The following RGS7 variants were observed in gnomAD, a reference collection of about 807,000 sequenced individuals.
RGS7 encodes the protein regulator of G protein signaling 7.
Under a neutral mutation model 81.1 loss-of-function variants are expected in RGS7, and 27 were observed. The ratio of observed to expected loss-of-function variants is 0.33; its 90% CI spans 0.25 to 0.46. The LOEUF (loss-of-function observed/expected upper bound fraction) is 0.46, where lower values mean the gene tolerates loss of function less well. Among genes scored for constraint, RGS7 ranks in the 20% least tolerant of loss-of-function variants. The pLI is 1.00. For synonymous variants in RGS7, 208 were observed against 207.7 expected (o/e 1.00, Z -0.01); for missense variants, 396 against 607.4 (o/e 0.65, Z 3.66).
chr1:241,254,691 A>T (rs555673830), intron 2 of RGS7, among the ~76,000 whole-genome samples: 4 of 152,292 alleles, frequency 2.6e-5, no homozygotes, highest in African/African-American at 9.6e-5. Context: ...TTGAGGTTTC[A>T]ATTGTATAAT....
chr1:241,188,285 T>TCACACA lies in RGS7; in HGVS notation c.79-89529_79-89524dup, dbSNP rs59722851. Among the ~76,000 whole-genome samples, 478 of 148,150 alleles carry TCACACA rather than the reference T, an allele frequency of 3.2e-3. 2 individuals carry two copies. The highest frequency in any genetic ancestry group is 0.011 in the African/African-American group (432 of 40,262). On this transcript the variant is annotated intron_variant, in intron 2 of 18. Transcript: ENST00000440928. ...CTATTATAGTCCTTTTCTTTTATCC[T>TCACACA]CACACACACACACACACACACACAC...
intron 6 of RGS7, among the ~76,000 whole-genome samples, chr1:240,894,076 A>G (rs1445013167): frequency 2.6e-5 from 4 of 152,222 alleles, no homozygotes; most frequent in Admixed American, 2.6e-4. Context: ...ATATCTGGCT[A>G]TACAAATATA....
intron 2 of RGS7, among the ~76,000 whole-genome samples, chr1:241,330,837 T>C (rs1336151147): frequency 6.6e-6 from 1 of 152,176 alleles, no homozygotes; most frequent in Non-Finnish European, 1.5e-5. Flanking sequence ...GGTACTATGT[T>C]CACTATTTGA....
At chr1:240,874,411 G>A (rs1457835601) in intron 6 of RGS7, among the ~76,000 whole-genome samples, 2 of 152,050 alleles carry the variant, frequency 1.3e-5, no homozygotes, top group Admixed American at 6.6e-5. Context: ...GGGCTGGAGT[G>A]TAGGAGAGGA....
At chr1:241,349,981 C>A (rs2083134822) in intron 2 of RGS7, among the ~76,000 whole-genome samples, 1 of 152,178 alleles carries the variant, frequency 6.6e-6, no homozygotes, top group South Asian at 2.1e-4. Context: ...GAGGGCTTCT[C>A]TTTTGCACAT....
chr1:240,880,793 G>C (rs952208642), intron 6 of RGS7, among the ~76,000 whole-genome samples: 2 of 152,036 alleles, frequency 1.3e-5, no homozygotes, highest in Admixed American at 1.3e-4. Context: ...CTTCCATTTG[G>C]CTAAATTTTA....
chr1:241,194,915 A>G (rs964711886), intron 2 of RGS7, among the ~76,000 whole-genome samples: 2 of 152,204 alleles, frequency 1.3e-5, no homozygotes, highest in African/African-American at 4.8e-5. Flanking sequence ...CCTTGGATAA[A>G]GACTTAGGAT....
intron 2 of RGS7, among the ~76,000 whole-genome samples, chr1:241,238,957 C>T (rs917023824): frequency 2.2e-4 from 28 of 125,438 alleles, no homozygotes; most frequent in Admixed American, 6.2e-4. Flanking sequence ...ATAGCTATTG[C>T]CTCTCTCTCT....
intron 2 of RGS7, among the ~76,000 whole-genome samples, chr1:241,115,522 T>G (rs1043126576): frequency 2.0e-5 from 3 of 152,192 alleles, no homozygotes; most frequent in Non-Finnish European, 2.9e-5. Flanking sequence ...ACACTAAGAA[T>G]TCTCAATAGG....
intron 2 of RGS7, among the ~76,000 whole-genome samples, chr1:241,177,851 G>A (rs745897624): frequency 8.6e-5 from 13 of 150,660 alleles, no homozygotes; most frequent in Non-Finnish European, 1.5e-4. Context: ...ATTGGAAAGT[G>A]TCATTTGCTG....
intron 18 of RGS7, among the ~76,000 whole-genome samples, chr1:240,779,737 GATA>G (rs1683654532): frequency 6.6e-6 from 1 of 152,174 alleles, no homozygotes; most frequent in African/African-American, 2.4e-5. Context: ...GTAAAATGAG[GATA>G]ATAATAGTAC....
intron 2 of RGS7, among the ~76,000 whole-genome samples, chr1:241,317,281 A>G (rs942478790): frequency 2.0e-5 from 3 of 152,212 alleles, no homozygotes; most frequent in Admixed American, 6.5e-5. Flanking sequence ...AATTTAATGA[A>G]CTATAAGTTT....
intron 2 of RGS7, among the ~76,000 whole-genome samples, chr1:241,316,008 T>C (rs2080848804): frequency 6.6e-6 from 1 of 152,252 alleles, no homozygotes; most frequent in African/African-American, 2.4e-5. Flanking sequence ...TTAATTGATC[T>C]GCACGTGGTA....
rs1256432933 is a variant in RGS7 at position 241,058,898 on chromosome 1, A to G, written c.175+39768T>C. Among the ~76,000 whole-genome samples, 5 of 152,304 alleles carry G rather than the reference A, an allele frequency of 3.3e-5. No individual in the cohort carries two copies. In the East Asian group the frequency reaches 9.6e-4, roughly 29 times the overall value. ...TCTTGAAGGAGTTGGCTGTGTCTGC[A>G]CAGATTCACCTCTGATTTGCTCCTC... On this transcript the variant is annotated intron_variant, in intron 3 of 18. Coordinates refer to ENST00000440928, the MANE Select transcript of RGS7 (RefSeq NM_001364886.1).
chr1:241,175,897 G>A (rs1002376831), intron 2 of RGS7, among the ~76,000 whole-genome samples: 1 of 152,070 alleles, frequency 6.6e-6, no homozygotes, highest in Middle Eastern at 3.2e-3. Flanking sequence ...AATAGTGAAC[G>A]AATAAGAACA....
At chr1:241,330,098 C>T (rs921922195) in intron 2 of RGS7, among the ~76,000 whole-genome samples, 4 of 152,162 alleles carry the variant, frequency 2.6e-5, no homozygotes, top group African/African-American at 7.2e-5. Flanking sequence ...CGGCACCACA[C>T]TCGGATAATT....
At chr1:240,914,843 A>T (rs192035532) in intron 6 of RGS7, among the ~76,000 whole-genome samples, 1 of 152,294 alleles carries the variant, frequency 6.6e-6, no homozygotes, top group Admixed American at 6.5e-5. Context: ...TGACCCCATG[A>T]TTGGAGACAA....
intron 16 of RGS7, among the ~76,000 whole-genome samples, chr1:240,802,343 A>G (rs1391109446): frequency 6.6e-6 from 1 of 152,210 alleles, no homozygotes; most frequent in Non-Finnish European, 1.5e-5. Flanking sequence ...GAGGTCTACT[A>G]CAATACCCCC....
intron 2 of RGS7, among the ~76,000 whole-genome samples, chr1:241,167,241 G>A (rs934379530): frequency 6.6e-6 from 1 of 152,168 alleles, no homozygotes; most frequent in Non-Finnish European, 1.5e-5. Context: ...TGTTATGTGT[G>A]GGGTGAAGAA....
Sources: gnomAD v4.1 joint callset for allele counts (sites outside exome capture counted in the v4.1 genomes callset) on GRCh38, gnomAD v4.1.1 for gene constraint, MANE v1.5 for transcripts, NCBI Gene and HGNC (gene_info 2026-07-23, HGNC 2026-07-21) for gene names.